The following CDH12 variants were observed in gnomAD, a reference collection of about 807,000 sequenced individuals.
CDH12 encodes the protein cadherin 12, also known as cadherin-12.
In CDH12, 41 loss-of-function variants were observed where a neutral mutation model predicts 74.1. The observed-to-expected ratio is 0.55, with a 90% CI of 0.43 to 0.72. The LOEUF is 0.72. Ranked by LOEUF, CDH12 falls within the 30% of genes least tolerant of loss-of-function variation. The pLI is 0.00. For synonymous variants in CDH12, 399 were observed against 355.0 expected (o/e 1.12, Z -1.39); for missense variants, 945 against 977.2 (o/e 0.97, Z 0.44).
intron 4 of CDH12, among the ~76,000 whole-genome samples, chr5:22,201,367 T>G (rs1750916000): frequency 6.6e-6 from 1 of 152,162 alleles, no homozygotes; most frequent in Non-Finnish European, 1.5e-5. Flanking sequence ...AATCATGTCT[T>G]TTGTGGCAAC....
chr5:21,836,832 T>A (rs1028179197), intron 8 of CDH12, among the ~76,000 whole-genome samples: 1 of 151,996 alleles, frequency 6.6e-6, no homozygotes, highest in Non-Finnish European at 1.5e-5. Flanking sequence ...GCTATTTAAT[T>A]CTACGGAAAA....
intron 4 of CDH12, among the ~76,000 whole-genome samples, chr5:22,129,688 GTTT>G (rs539204117): frequency 6.6e-6 from 1 of 151,390 alleles, no homozygotes; most frequent in Non-Finnish European, 1.5e-5. Flanking sequence ...GTGTTTAATC[GTTT>G]TTTTTCATTC....
At chr5:22,850,076 C>A (rs1737475895) in intron 1 of CDH12, among the ~76,000 whole-genome samples, 1 of 151,974 alleles carries the variant, frequency 6.6e-6, no homozygotes, top group Admixed American at 6.6e-5. Flanking sequence ...TATCTATAAT[C>A]TCACAAAACG....
intron 2 of CDH12, among the ~76,000 whole-genome samples, chr5:22,485,294 A>T (rs1746542972): frequency 6.6e-6 from 1 of 151,976 alleles, no homozygotes; most frequent in Non-Finnish European, 1.5e-5. Context: ...TGATCCTCCC[A>T]TCTCAGCCTC....
At chr5:22,465,054 G>A (rs1279338926) in intron 2 of CDH12, among the ~76,000 whole-genome samples, 3 of 129,120 alleles carry the variant, frequency 2.3e-5, no homozygotes, top group South Asian at 6.3e-4. Flanking sequence ...GGGAGGAAGG[G>A]AGGGGGGGAA....
chr5:22,269,366 A>G (rs1226181669), intron 3 of CDH12, among the ~76,000 whole-genome samples: 1 of 151,824 alleles, frequency 6.6e-6, no homozygotes, highest in South Asian at 2.1e-4. Context: ...TCCTCTATTC[A>G]CGTTTTTATG....
At chr5:22,714,298 CTT>C (rs1743458650) in intron 1 of CDH12, among the ~76,000 whole-genome samples, 1 of 152,140 alleles carries the variant, frequency 6.6e-6, no homozygotes, top group Non-Finnish European at 1.5e-5. Flanking sequence ...TAGAAGCAAA[CTT>C]TCTAAATAGA....
chr5:21,801,263 T>C (rs1266954060), intron 10 of CDH12, among the ~76,000 whole-genome samples: 1 of 152,236 alleles, frequency 6.6e-6, no homozygotes, highest in Non-Finnish European at 1.5e-5. Flanking sequence ...TATCTGTCTG[T>C]TGTATGTCAA....
intron 2 of CDH12, among the ~76,000 whole-genome samples, chr5:22,437,044 T>C (rs965248895): frequency 1.3e-5 from 2 of 152,158 alleles, no homozygotes; most frequent in African/African-American, 4.8e-5. Flanking sequence ...TATAATTTCC[T>C]AGAAAATAAG....
At chr5:22,187,356 A>G (rs917549316) in intron 4 of CDH12, among the ~76,000 whole-genome samples, 2 of 152,264 alleles carry the variant, frequency 1.3e-5, no homozygotes, top group Non-Finnish European at 2.9e-5. Flanking sequence ...ACAGGAAAGC[A>G]TTCTAAACCA....
chr5:22,717,968 C>T (rs1297534453), intron 1 of CDH12, among the ~76,000 whole-genome samples: 3 of 152,030 alleles, frequency 2.0e-5, no homozygotes, highest in Admixed American at 2.0e-4. Context: ...AGATAATTTT[C>T]TGTCTTTTGG....
intron 1 of CDH12, among the ~76,000 whole-genome samples, chr5:22,513,704 T>C (rs947594642): frequency 3.3e-5 from 5 of 151,918 alleles, no homozygotes; most frequent in African/African-American, 1.2e-4. Flanking sequence ...TCCCAGCACT[T>C]TGGGAGACTG....
At chr5:21,930,699 T>C (rs974585145) in intron 6 of CDH12, among the ~76,000 whole-genome samples, 6 of 152,324 alleles carry the variant, frequency 3.9e-5, no homozygotes, top group African/African-American at 1.4e-4. Flanking sequence ...CCTCAGTTTA[T>C]TCATCTGTAG....
At chr5:22,788,295 T>C (rs116703261) in intron 1 of CDH12, among the ~76,000 whole-genome samples, 62 of 152,244 alleles carry the variant, frequency 4.1e-4, no homozygotes, top group African/African-American at 1.5e-3. Flanking sequence ...GCTATAAATT[T>C]ATCCTTTATT....
rs901115636 is a variant in CDH12, at chr5:22,197,566, G to A, written c.-187+14932C>T. The stretch of plus-strand genomic sequence containing the variant: ...AAGAGAAGCAGCTTTAAGCAGCATT[G>A]TTTCTTTTCTGATTAGTCAGCTCTT... On this transcript the variant is annotated intron_variant, in intron 4 of 14. Coordinates refer to ENST00000382254, the MANE Select transcript of CDH12 (RefSeq NM_004061.5). Among the ~76,000 whole-genome samples, 22 of 152,128 alleles carry A rather than the reference G, an allele frequency of 1.4e-4. 1 individual carries two copies. Among genetic ancestry groups the A allele is most frequent in the Non-Finnish European group, 1.5e-5 (1 of 68,024 alleles).
At chr5:22,559,953 T>C (rs1738967397) in intron 1 of CDH12, among the ~76,000 whole-genome samples, 1 of 152,172 alleles carries the variant, frequency 6.6e-6, no homozygotes, top group Non-Finnish European at 1.5e-5. Flanking sequence ...AGCAATGCCC[T>C]TTAGTCCTTT....
chr5:22,435,524 G>GTGTGTGTGTGTA (rs148027987), intron 2 of CDH12, among the ~76,000 whole-genome samples: 1,820 of 148,800 alleles, frequency 0.012, 34 homozygotes, highest in African/African-American at 0.042. Context: ...GTGTGTGTGT[G>GTGTGTGTGTGTA]TATATACATA....
chr5:22,024,460 CT>C (rs1255301408), intron 5 of CDH12, among the ~76,000 whole-genome samples: 3 of 152,122 alleles, frequency 2.0e-5, no homozygotes, highest in African/African-American at 7.2e-5. Flanking sequence ...ATATAAATAA[CT>C]TGAAGTATCA....
intron 1 of CDH12, among the ~76,000 whole-genome samples, chr5:22,769,776 A>G (rs1746714616): frequency 6.6e-6 from 1 of 150,866 alleles, no homozygotes. Context: ...AAAACAATAC[A>G]AATAGTATTT....
Sources: allele counts gnomAD v4.1 joint callset (sites outside exome capture counted in the v4.1 genomes callset), GRCh38; gene constraint gnomAD v4.1.1; transcripts MANE v1.5; gene names NCBI Gene and HGNC (gene_info 2026-07-23, HGNC 2026-07-21).